The following COL23A1 variants were observed in gnomAD, a reference collection of about 807,000 sequenced individuals.
The protein encoded by COL23A1 is collagen type XXIII alpha 1 chain, also known as collagen alpha-1(XXIII) chain.
A neutral mutation model predicts 99.3 loss-of-function variants in COL23A1; 97 were observed. The observed-to-expected ratio is 0.98, with a 90% CI of 0.83 to 1.16. COL23A1 has a LOEUF of 1.16. Among genes scored for constraint, COL23A1 ranks in the 50% most tolerant of loss-of-function variants. The pLI is 0.00. For missense variants in COL23A1, 762 were observed against 757.4 expected, an observed-to-expected ratio of 1.01 and a Z score of -0.07; for synonymous variants, 320 against 308.2, an observed-to-expected ratio of 1.04 and a Z score of -0.40.
intron 2 of COL23A1, among the ~76,000 whole-genome samples, chr5:178,557,900 A>C (rs1350951219): frequency 6.6e-6 from 1 of 152,006 alleles, no homozygotes; most frequent in East Asian, 1.9e-4. Flanking sequence ...ACAGGAGAGA[A>C]AGTGCAGGCA....
intron 1 of COL23A1, among the ~76,000 whole-genome samples, chr5:178,569,299 C>A (rs961211275): frequency 6.6e-6 from 1 of 152,138 alleles, no homozygotes; most frequent in Non-Finnish European, 1.5e-5. Context: ...GTATACTAGA[C>A]CCTAATCAGA....
intron 2 of COL23A1, among the ~76,000 whole-genome samples, chr5:178,535,204 C>G (rs1438000332): frequency 6.6e-6 from 1 of 152,102 alleles, no homozygotes; most frequent in Non-Finnish European, 1.5e-5. Context: ...AAACTCCGGA[C>G]CTCAAGTGAT....
At chr5:178,489,647 G>C (rs1281153281) in intron 2 of COL23A1, among the ~76,000 whole-genome samples, 1 of 152,168 alleles carries the variant, frequency 6.6e-6, no homozygotes, top group African/African-American at 2.4e-5. Context: ...CCAGAGAGGG[G>C]CTAGGAAGTC....
chr5:178,363,694 C>T (rs1762300075), intron 2 of COL23A1, among the ~76,000 whole-genome samples: 1 of 152,192 alleles, frequency 6.6e-6, no homozygotes, highest in South Asian at 2.1e-4. Flanking sequence ...TGCTTCACCT[C>T]CCCACCGGCT....
At chr5:178,490,322 A>C (rs1232513009) in intron 2 of COL23A1, among the ~76,000 whole-genome samples, 1 of 152,198 alleles carries the variant, frequency 6.6e-6, no homozygotes, top group African/African-American at 2.4e-5. Context: ...TGAGGATATT[A>C]AGCTAAGTGA....
At chr5:178,452,805 G>C (rs1767562109) in intron 2 of COL23A1, among the ~76,000 whole-genome samples, 1 of 152,184 alleles carries the variant, frequency 6.6e-6, no homozygotes, top group Non-Finnish European at 1.5e-5. Flanking sequence ...ATGGAGGTGA[G>C]GGGATGGTGC....
chr5:178,392,361 A>G (rs911982879), intron 2 of COL23A1, among the ~76,000 whole-genome samples: 12 of 152,154 alleles, frequency 7.9e-5, no homozygotes, highest in African/African-American at 2.4e-4. Flanking sequence ...TATATCTTTC[A>G]AACAATGCAC....
intron 18 of COL23A1, among the ~76,000 whole-genome samples, chr5:178,249,737 C>CTCTG (rs1561789148): frequency 4.7e-5 from 7 of 148,800 alleles, no homozygotes; most frequent in African/African-American, 1.5e-4. Context: ...CTCTCTCTCT[C>CTCTG]TCTCTCTCTC....
chr5:178,467,877 G>A (rs1172084455), intron 2 of COL23A1, among the ~76,000 whole-genome samples: 3 of 152,206 alleles, frequency 2.0e-5, no homozygotes, highest in East Asian at 1.9e-4. Flanking sequence ...CAGCAGGCTG[G>A]AGTCCGAGGC....
At chr5:178,466,026 T>C (rs1756401395) in intron 2 of COL23A1, among the ~76,000 whole-genome samples, 1 of 152,164 alleles carries the variant, frequency 6.6e-6, no homozygotes, top group Non-Finnish European at 1.5e-5. Flanking sequence ...GTCTCCCCTC[T>C]GCGCCACCTC....
chr5:178,401,121 G>A (rs148921500), intron 2 of COL23A1, among the ~76,000 whole-genome samples: 334 of 152,300 alleles, frequency 2.2e-3, no homozygotes, highest in Non-Finnish European at 3.4e-3. Flanking sequence ...TTTTGGGTCT[G>A]GCATATTTCA....
chr5:178,246,394 C>A lies in COL23A1; in HGVS notation c.1356G>T (p.Leu452=). Residue 452 remains leucine, a synonymous_variant, in exon 23 of 29, where the codon CTG becomes CTT. Transcript: ENST00000390654. ...AAACAACGCTTGTGAGACTCACAGGCAGGCCGCTGGGGCCTCTCTCACCCG... is the reference window on the plus strand; with the variant it reads ...AAACAACGCTTGTGAGACTCACAGGAAGGCCGCTGGGGCCTCTCTCACCCG... ...GASGERGPSG[L]PGPVGPPGLI... The A allele has an allele frequency of 1.9e-6, 3 of 1,578,862 alleles. No homozygotes were observed. Among genetic ancestry groups the A allele is most frequent in the Non-Finnish European group, 2.6e-6 (3 of 1,161,668 alleles).
rs559331282 is a variant in COL23A1, at chr5:178,256,444, A to C, written c.838-47T>G. 6 of 1,573,148 alleles carry C rather than the reference A, an allele frequency of 3.8e-6. No homozygotes were observed. The African/African-American group carries it at 8.1e-5, about 21-fold the overall frequency. ...GCCAGAGGTGCAGCTGTGAAGCCAA[A>C]ACACACCTCCCACGACCCTGCCCCC... On this transcript the variant is annotated intron_variant, in intron 14 of 28. Coordinates refer to ENST00000390654, the MANE Select transcript of COL23A1 (RefSeq NM_173465.4).
intron 2 of COL23A1, among the ~76,000 whole-genome samples, chr5:178,551,661 C>A (rs116318584): frequency 6.6e-6 from 1 of 152,140 alleles, no homozygotes; most frequent in Non-Finnish European, 1.5e-5. Context: ...CATGGCCATT[C>A]GACAGGGCGT....
At chr5:178,546,544 T>C (rs1761589267) in intron 2 of COL23A1, among the ~76,000 whole-genome samples, 1 of 152,182 alleles carries the variant, frequency 6.6e-6, no homozygotes, top group Admixed American at 6.5e-5. Flanking sequence ...TGCCTCGTCC[T>C]GACACTGGGG....
At chr5:178,242,481 C>T (rs1764459058) in intron 25 of COL23A1, 87 bp from the exon 26 acceptor site, 1 of 1,340,164 alleles carries the variant, frequency 7.5e-7, no homozygotes, top group Non-Finnish European at 1.1e-6. Flanking sequence ...CTCTCCCATC[C>T]ACACGCCCAC....
At chr5:178,441,570 G>C (rs1004174857) in intron 2 of COL23A1, among the ~76,000 whole-genome samples, 1 of 152,022 alleles carries the variant, frequency 6.6e-6, no homozygotes, top group African/African-American at 2.4e-5. Context: ...GACAGAGATG[G>C]GGGGATGCGG....
chr5:178,241,624 T>G (rs1023587924), intron 27 of COL23A1, among the ~76,000 whole-genome samples: 2 of 152,078 alleles, frequency 1.3e-5, no homozygotes, highest in African/African-American at 4.8e-5. Flanking sequence ...TAACTTTGGT[T>G]CCCTCCGCAG....
chr5:178,447,130 G>T (rs111438237), intron 2 of COL23A1, among the ~76,000 whole-genome samples: 11,012 of 149,114 alleles, frequency 0.074, 454 homozygotes, highest in Middle Eastern at 0.2. Context: ...GTCTTGCTCT[G>T]TCACCCAGGC....
Sources: gnomAD v4.1 joint callset for allele counts (sites outside exome capture counted in the v4.1 genomes callset) on GRCh38, gnomAD v4.1.1 for gene constraint, MANE v1.5 for transcripts, NCBI Gene and HGNC (gene_info 2026-07-23, HGNC 2026-07-21) for gene names.